Variants in AFG2A observed in about 807,000 individuals in gnomAD.
The protein encoded by AFG2A is AAA ATPase AFG2A, also known as ATPase family gene 2 protein homolog A.
the AFG2A span, among the ~76,000 whole-genome samples, chr4:123,025,466 C>A: frequency 2.6e-5 from 4 of 152,148 alleles, no homozygotes; most frequent in Non-Finnish European, 5.9e-5. Flanking sequence ...CTCCGATTAA[C>A]ACATCAAGTA....
the AFG2A span, among the ~76,000 whole-genome samples, chr4:122,992,658 G>C: frequency 6.6e-6 from 1 of 152,166 alleles, no homozygotes; most frequent in Non-Finnish European, 1.5e-5. Flanking sequence ...AATCACACTT[G>C]CCTAGTTATA....
chr4:123,252,728 T>C, the AFG2A span, among the ~76,000 whole-genome samples: 1 of 152,218 alleles, frequency 6.6e-6, no homozygotes, highest in African/African-American at 2.4e-5. Flanking sequence ...GCAATTAAGG[T>C]GCAGAACATC....
At chr4:123,189,500 C>G in the AFG2A span, among the ~76,000 whole-genome samples, 1 of 152,070 alleles carries the variant, frequency 6.6e-6, no homozygotes, top group East Asian at 1.9e-4. Flanking sequence ...CACAGAATCT[C>G]CGTTAACCCT....
chr4:123,206,922 T>C, the AFG2A span, among the ~76,000 whole-genome samples: 74 of 152,280 alleles, frequency 4.9e-4, no homozygotes, highest in Admixed American at 1.3e-4. Context: ...CTTTCTACTC[T>C]TGCTTCTCTC....
chr4:122,934,423 G>A, the AFG2A span: 1 of 1,614,226 alleles, frequency 6.2e-7, no homozygotes, highest in South Asian at 1.1e-5. Context: ...CCCTGGAGAT[G>A]GCAGTGGACT....
chr4:122,961,076 T>G, the AFG2A span, among the ~76,000 whole-genome samples: 1 of 152,204 alleles, frequency 6.6e-6, no homozygotes, highest in Non-Finnish European at 1.5e-5. Context: ...GAGCAAGCTA[T>G]TCAACCTCTT....
the AFG2A span, among the ~76,000 whole-genome samples, chr4:123,065,606 G>A: frequency 6.6e-6 from 1 of 152,052 alleles, no homozygotes; most frequent in South Asian, 2.1e-4. Flanking sequence ...TTATACACTA[G>A]TGAAAGAAAA....
At chr4:123,213,245 G>A in the AFG2A span, among the ~76,000 whole-genome samples, 1 of 152,064 alleles carries the variant, frequency 6.6e-6, no homozygotes, top group Non-Finnish European at 1.5e-5. Flanking sequence ...GCTAAACCAT[G>A]CTAACAATAT....
At chr4:123,125,171 G>A in the AFG2A span, among the ~76,000 whole-genome samples, 1 of 152,158 alleles carries the variant, frequency 6.6e-6, no homozygotes, top group Non-Finnish European at 1.5e-5. Context: ...AGAAAAATGA[G>A]AAGTCGTGTC....
the AFG2A span, among the ~76,000 whole-genome samples, chr4:123,001,939 A>G: frequency 6.6e-6 from 1 of 152,148 alleles, no homozygotes. Flanking sequence ...GTGGGTGTCT[A>G]AGTCTCTTTG....
chr4:123,291,628 G>C, the AFG2A span, among the ~76,000 whole-genome samples: 190 of 152,320 alleles, frequency 1.2e-3, no homozygotes, highest in African/African-American at 4.4e-3. Flanking sequence ...AGCACCAGCT[G>C]TGTCTACAGT....
chr4:123,140,379 A>G, the AFG2A span, among the ~76,000 whole-genome samples: 1 of 152,130 alleles, frequency 6.6e-6, no homozygotes, highest in African/African-American at 2.4e-5. Context: ...CAACATCACA[A>G]TAGAAAATAA....
At chr4:122,945,366 G>T in the AFG2A span, among the ~76,000 whole-genome samples, 3 of 152,194 alleles carry the variant, frequency 2.0e-5, no homozygotes, top group Non-Finnish European at 4.4e-5. Context: ...CCCTCCCCCA[G>T]CCTCACTGCC....
chr4:123,151,172 A>G, the AFG2A span, among the ~76,000 whole-genome samples: 1 of 152,238 alleles, frequency 6.6e-6, no homozygotes, highest in African/African-American at 2.4e-5. Context: ...AGACCCTAGA[A>G]GAAAACCTAG....
At chr4:123,022,831 T>A in the AFG2A span, among the ~76,000 whole-genome samples, 1 of 152,122 alleles carries the variant, frequency 6.6e-6, no homozygotes, top group South Asian at 2.1e-4. Flanking sequence ...GTGGCACATA[T>A]ACACCATGGA....
chr4:123,278,150 T>C, the AFG2A span, among the ~76,000 whole-genome samples: 7 of 152,280 alleles, frequency 4.6e-5, no homozygotes, highest in East Asian at 1.3e-3. Flanking sequence ...AACTTGTTAT[T>C]GGTCTGTTCA....
the AFG2A span, among the ~76,000 whole-genome samples, chr4:123,233,266 TAC>T: frequency 2.7e-5 from 4 of 149,672 alleles, no homozygotes; most frequent in Admixed American, 1.3e-4. Context: ...AAAAATTATG[TAC>T]ACACACACAC....
the AFG2A span, among the ~76,000 whole-genome samples, chr4:122,995,026 A>G: frequency 6.6e-6 from 1 of 152,150 alleles, no homozygotes; most frequent in Admixed American, 6.6e-5. Context: ...TGAGCTCATT[A>G]GCAGTACATT....
chr4:123,233,197 T>C, the AFG2A span, among the ~76,000 whole-genome samples: 1 of 152,024 alleles, frequency 6.6e-6, no homozygotes, highest in Non-Finnish European at 1.5e-5. Context: ...CGTTAAAGTT[T>C]TCAAACTCTT....
Sources: gnomAD v4.1 joint callset for allele counts (sites outside exome capture counted in the v4.1 genomes callset) on GRCh38, gnomAD v4.1.1 for gene constraint, MANE v1.5 for transcripts, NCBI Gene and HGNC (gene_info 2026-07-23, HGNC 2026-07-21) for gene names.